SNED1: variants seen among roughly 807,000 people sequenced by gnomAD.
SNED1 encodes sushi, nidogen and EGF like domains 1.
Under a neutral mutation model 166.7 loss-of-function variants are expected in SNED1, and 81 were observed. The observed-to-expected ratio is 0.49, with a 90% CI of 0.41 to 0.58. The LOEUF (loss-of-function observed/expected upper bound fraction) is 0.58, where lower values mean the gene tolerates loss of function less well. Ranked by LOEUF, SNED1 falls within the 20% of genes least tolerant of loss-of-function variation. SNED1 has a pLI of 0.00. For synonymous variants in SNED1, 762 were observed against 822.0 expected (o/e 0.93, Z 1.25); for missense variants, 1,604 against 2,000.2 (o/e 0.80, Z 3.78).
At chr2:241,062,960 C>G in intron 17 of SNED1, 56 bp downstream of exon 17, 3 of 1,147,316 alleles carry the variant, frequency 2.6e-6, no homozygotes, top group Non-Finnish European at 3.7e-6. Flanking sequence ...GGCCATGTGC[C>G]TGAGGCACTG....
rs2062598914 is a variant in SNED1, at chr2:241,069,288, A to G, written c.3307+265A>G. On this transcript the variant is annotated intron_variant, in intron 23 of 31. Coordinates refer to ENST00000310397, the MANE Select transcript of SNED1 (RefSeq NM_001080437.3). The surrounding 1 kb of genome is among the most constrained non-coding windows in gnomAD (Gnocchi z 4.9). The stretch of plus-strand genomic sequence containing the variant: ...AGCATGGAGTTCCTACTGGACACCG[A>G]CCAGAGGGCCAGAGGACCTCACTGG... Among the ~76,000 whole-genome samples, 1 of 152,126 alleles carries G rather than the reference A, an allele frequency of 6.6e-6. No homozygotes were observed. The highest frequency in any genetic ancestry group is 1.5e-5 in the Non-Finnish European group (1 of 67,994).
intron 27 of SNED1, among the ~76,000 whole-genome samples, chr2:241,081,067 G>T (rs2063304718): frequency 6.6e-6 from 1 of 152,266 alleles, no homozygotes; most frequent in South Asian, 2.1e-4. Context: ...CCAGTGACCA[G>T]TCCTCGTGTC....
chr2:241,034,461 C>A, intron 3 of SNED1, 107 bp from the exon 4 acceptor site: 1 of 1,088,448 alleles, frequency 9.2e-7, no homozygotes, highest in Non-Finnish European at 1.3e-6. Context: ...CAGGACCTGG[C>A]TGGGAGGTTG....
rs2062833611 is a variant in SNED1, at chr2:241,073,299, A to C, written c.3851A>C (p.Glu1284Ala). Reference sequence around the variant, plus strand: ...GCCTCGGCGCAGCTCGAGAACATGGAGGAAGCCCCCAAGCGGGTCAGCCTG... The same window carrying C: ...GCCTCGGCGCAGCTCGAGAACATGGCGGAAGCCCCCAAGCGGGTCAGCCTG... ...PTASAQLENMEEAPKRVSLAL... is the reference protein window; with the variant it reads ...PTASAQLENMAEAPKRVSLAL... The change falls in exon 27 of 32, where the codon GAG (glutamate) becomes GCG (alanine). Residue 1284 changes from glutamate to alanine, a missense_variant. Glu to Ala is a moderately radical substitution (Grantham distance 107). Around this residue, in one of 2 missense-constraint regions of SNED1, gnomAD observed 367 missense variants for 379.4 expected, o/e 0.97. Coordinates refer to ENST00000310397, the MANE Select transcript of SNED1 (RefSeq NM_001080437.3). The surrounding 1 kb of genome is among the most constrained non-coding windows in gnomAD (Gnocchi z 6.6). 1 of 1,569,504 alleles carries C rather than the reference A, an allele frequency of 6.4e-7. No homozygotes were observed.
At chr2:241,087,779 C>T in intron 30 of SNED1, 2 of 1,043,494 alleles carry the variant, frequency 1.9e-6, no homozygotes, top group South Asian at 3.8e-5. Context: ...CGGACAGCCC[C>T]GAGTATTTAA....
chr2:241,083,596 C>T (rs2063434488), intron 29 of SNED1, among the ~76,000 whole-genome samples: 1 of 152,188 alleles, frequency 6.6e-6, no homozygotes, highest in African/African-American at 2.4e-5. Context: ...TGACAGCCCA[C>T]TGAATTCGGA....
At chr2:241,034,879 ACTAAGGAAAGCCTGG>A (rs2061297911) in intron 4 of SNED1, 149 bp downstream of exon 4, 2 of 838,170 alleles carry the variant, frequency 2.4e-6, no homozygotes, top group African/African-American at 3.5e-5. Flanking sequence ...GGCGTGTGAA[ACTAAGGAAAGCCTGG>A]CTGGTCCTGC....
In SNED1 at chr2:241,091,305, G is replaced by A. The variant is rs962416160; in HGVS notation, c.*2-333G>A. Among the ~76,000 whole-genome samples the A allele has an allele frequency of 3.9e-5, 6 of 152,228 alleles. No homozygotes were observed. Among genetic ancestry groups the A allele is most frequent in the South Asian group, 2.1e-4 (1 of 4,834 alleles). On this transcript the variant is annotated intron_variant, in intron 31 of 31. Coordinates refer to ENST00000310397, the MANE Select transcript of SNED1 (RefSeq NM_001080437.3). This position sits in a 1 kb window ranked among gnomAD's most constrained non-coding sequence, Gnocchi z 4.1. Reference sequence around the variant, plus strand: ...GGAGAAAAGACCCAGAGTCGTTACCGGAAGGAGGAGGGCAGGGAAGAGGAA... The same window carrying A: ...GGAGAAAAGACCCAGAGTCGTTACCAGAAGGAGGAGGGCAGGGAAGAGGAA...
Position 241,070,173 on chromosome 2 carries a change from C to T in SNED1, c.3561C>T (p.Ser1187=), listed in dbSNP as rs958707483. The T allele has an allele frequency of 2.6e-5, 42 of 1,585,434 alleles. No homozygotes were observed. Among genetic ancestry groups the T allele is most frequent in the Non-Finnish European group, 3.5e-5 (41 of 1,171,524 alleles). ...GCACGGAGCTCGGGCCGCAGCACAG[C>T]GAGCCCGCCCACCTCTACATCATCA... ...VQSTELGPQH[S]EPAHLYIITS... is the part of the protein sequence containing the mutation. The change falls in exon 24 of 32, where the codon AGC becomes AGT. Residue 1187 remains serine, a synonymous_variant. Transcript: ENST00000310397.
chr2:240,998,479 C>T (rs1346963134), upstream of SNED1, among the ~76,000 whole-genome samples: 1 of 152,178 alleles, frequency 6.6e-6, no homozygotes, highest in African/African-American at 2.4e-5. Context: ...CCTGTGCCCA[C>T]GCCAGGGGAC....
At chr2:241,023,888 CTT>C (rs34234341) in intron 1 of SNED1, among the ~76,000 whole-genome samples, 4 of 91,988 alleles carry the variant, frequency 4.3e-5, no homozygotes, top group Non-Finnish European at 7.7e-5. Context: ...TTTTTTTTTC[CTT>C]TTTTTTTTTT....
intron 29 of SNED1, among the ~76,000 whole-genome samples, chr2:241,085,242 G>A (rs754787483): frequency 2.6e-5 from 4 of 151,964 alleles, no homozygotes; most frequent in East Asian, 1.9e-4. Flanking sequence ...CCAGTTATGC[G>A]TGTATTAGAC....
rs1230166921 is a variant in SNED1 at position 241,049,226 on chromosome 2, C to A, written c.1618+91C>A. The A allele has an allele frequency of 3.6e-5, 34 of 940,448 alleles. No homozygotes were observed. The East Asian group carries it at 5.3e-4, about 15-fold the overall frequency. 58.3% of individuals were successfully genotyped at this position (940,448 alleles called of 1,614,324 possible). A position where few individuals can be genotyped will look rare whatever the true frequency, so the allele number is the denominator to read the frequency against. On this transcript the variant is annotated intron_variant, in intron 11 of 31. Coordinates refer to ENST00000310397, the MANE Select transcript of SNED1 (RefSeq NM_001080437.3). ...GATGAGGCAGGCAGAGGCCAGAGTCCCTACTTCCCTTCTGACTCTCGGGAG... is the reference window on the plus strand; with the variant it reads ...GATGAGGCAGGCAGAGGCCAGAGTCACTACTTCCCTTCTGACTCTCGGGAG...
intron 18 of SNED1, 35 bp downstream of exon 18, chr2:241,063,735 G>A (rs781454043): frequency 1.4e-6 from 2 of 1,415,178 alleles, no homozygotes; most frequent in Admixed American, 1.9e-5. Context: ...CACATGCAGA[G>A]CCTGGGCCTC....
At position 241,052,151 on chromosome 2, in the gene SNED1, G is replaced by A. The variant is rs2061862375; in HGVS notation, c.1963G>A (p.Glu655Lys). 1 of 1,613,198 alleles carries A rather than the reference G, an allele frequency of 6.2e-7. No individual in the cohort carries two copies. Among genetic ancestry groups the A allele is most frequent in the Non-Finnish European group, 8.5e-7 (1 of 1,179,226 alleles). Residue 655 changes from glutamate to lysine, a missense_variant, in exon 14 of 32, where the codon GAG becomes AAG. Coordinates refer to ENST00000310397, the MANE Select transcript of SNED1 (RefSeq NM_001080437.3). ...CCCAGGCTTCTCCGGGCGGCACTGC[G>A]AGATAGGTAAGGTGGGTGGGAGGCC... ...CPPGFSGRHCEIAPSPCFRSP... is the reference protein window; with the variant it reads ...CPPGFSGRHCKIAPSPCFRSP...
chr2:241,080,771 G>A (rs947583938), intron 27 of SNED1, among the ~76,000 whole-genome samples: 1 of 152,240 alleles, frequency 6.6e-6, no homozygotes, highest in Non-Finnish European at 1.5e-5. Context: ...CAACTTTGGA[G>A]CTTGCTGAGG....
At chr2:241,059,026 A>G (rs536733605) in intron 16 of SNED1, among the ~76,000 whole-genome samples, 2 of 152,318 alleles carry the variant, frequency 1.3e-5, no homozygotes, top group East Asian at 1.9e-4. Context: ...TAGCAAGATC[A>G]AAATAGAAAA....
Position 241,033,718 on chromosome 2 carries a change from C to G in SNED1, c.502-17C>G. 6.2e-7 allele frequency: 1 copy of G among 1,606,746 alleles called. No homozygotes were observed. The highest frequency in any genetic ancestry group is 8.5e-7 in the Non-Finnish European group (1 of 1,177,136). ...AAGGGGAGTGCAGGGCCCTGTTCAG[C>G]CCCCTCTCCCCGGCAGGTCAACACA... On this transcript the variant is annotated splice_polypyrimidine_tract_variant and intron_variant, in intron 2 of 31. Transcript: ENST00000310397.
rs545593551 is a variant in SNED1, at chr2:241,064,221, C to T, written c.2599+96C>T. The T allele has an allele frequency of 3.1e-5, 25 of 812,946 alleles. No homozygotes were observed. In the African/African-American group the frequency reaches 3.7e-4, roughly 12 times the overall value. The allele number at this position is 812,946 out of a possible 1,614,324, so 50.4% of individuals were successfully genotyped here. A position where few individuals can be genotyped will look rare whatever the true frequency, so the allele number is the denominator to read the frequency against. ...CGCCCTCTGCCCGCCTGCTCCCCGC[C>T]CTCTGCCCGCCTGCTCCCCGCCCTC... On this transcript the variant is annotated intron_variant, in intron 19 of 31. Transcript: ENST00000310397. The surrounding 1 kb of genome is among the most constrained non-coding windows in gnomAD (Gnocchi z 7.0).
Sources: gnomAD v4.1 joint callset for allele counts (sites outside exome capture counted in the v4.1 genomes callset) on GRCh38, gnomAD v4.1.1 for gene constraint, gnomAD v4.1.1 regional missense constraint, Gnocchi (gnomAD v3.1) non-coding constraint, MANE v1.5 for transcripts, NCBI Gene and HGNC (gene_info 2026-07-23, HGNC 2026-07-21) for gene names.